The following CSGALNACT1 variants were observed in gnomAD, a reference collection of about 807,000 sequenced individuals.
CSGALNACT1 encodes beta4GalNAcT-1.
In CSGALNACT1, 52 loss-of-function variants were observed where a neutral mutation model predicts 51.0. That is an observed-to-expected ratio of 1.02 (90% CI 0.82 to 1.29). The LOEUF (loss-of-function observed/expected upper bound fraction) is 1.29. Among genes scored for constraint, CSGALNACT1 ranks in the 50% most tolerant of loss-of-function variants. The probability of loss-of-function intolerance (pLI) is 0.00; values close to 1 mark genes in which losing one functional copy is unlikely to be tolerated. For synonymous variants in CSGALNACT1, 341 were observed against 254.4 expected, an observed-to-expected ratio of 1.34 and a Z score of -3.24; for missense variants, 935 against 679.2, an observed-to-expected ratio of 1.38 and a Z score of -4.19.
intron 1 of CSGALNACT1, among the ~76,000 whole-genome samples, chr8:19,688,080 T>C (rs2061076547): frequency 1.3e-5 from 2 of 152,206 alleles, no homozygotes; most frequent in African/African-American, 4.8e-5. Context: ...GAAGTAGGTG[T>C]TCATTTCCCA....
At chr8:19,460,275 G>T (rs12542081) in intron 4 of CSGALNACT1, among the ~76,000 whole-genome samples, 79,215 of 151,968 alleles carry the variant, frequency 0.52, 21,034 homozygotes, top group East Asian at 0.83. Flanking sequence ...GAGAGAGAGA[G>T]AAAGAGACCA....
intron 1 of CSGALNACT1, among the ~76,000 whole-genome samples, chr8:19,704,348 A>C (rs2062041032): frequency 6.6e-6 from 1 of 152,240 alleles, no homozygotes; most frequent in Non-Finnish European, 1.5e-5. Flanking sequence ...TTTAAAAATA[A>C]ATTTCTTGCA....
intron 1 of CSGALNACT1, among the ~76,000 whole-genome samples, chr8:19,693,188 C>T (rs767669886): frequency 1.4e-4 from 22 of 152,052 alleles, no homozygotes; most frequent in Non-Finnish European, 1.0e-4. Context: ...GACTGGAGGA[C>T]CAGAGGAAGC....
At chr8:19,490,888 C>T (rs1268913925) in intron 4 of CSGALNACT1, among the ~76,000 whole-genome samples, 1 of 152,180 alleles carries the variant, frequency 6.6e-6, no homozygotes, top group African/African-American at 2.4e-5. Flanking sequence ...AGGAAGTCCC[C>T]TGAAACTACC....
At chr8:19,747,855 A>G (rs1338265104) in intron 1 of CSGALNACT1, among the ~76,000 whole-genome samples, 3 of 152,176 alleles carry the variant, frequency 2.0e-5, no homozygotes, top group Non-Finnish European at 4.4e-5. Context: ...TAAAGACTCA[A>G]ACTCAGCTTT....
At chr8:19,404,649 A>C in exon 10 of CSGALNACT1, 1 of 451,060 alleles carries the variant, frequency 2.2e-6, no homozygotes, top group South Asian at 1.6e-5. Flanking sequence ...TTCTTATGGA[A>C]GCCAGAAGCC....
At chr8:19,441,484 A>T (rs555336660) in intron 5 of CSGALNACT1, among the ~76,000 whole-genome samples, 1 of 152,378 alleles carries the variant, frequency 6.6e-6, no homozygotes, top group East Asian at 1.9e-4. Context: ...TTCCCTACTT[A>T]ATAAATGGTG....
intron 1 of CSGALNACT1, among the ~76,000 whole-genome samples, chr8:19,663,264 G>A (rs1471655775): frequency 3.3e-5 from 5 of 152,086 alleles, no homozygotes; most frequent in African/African-American, 1.2e-4. Flanking sequence ...GGTCAGGCTT[G>A]TACTTAATTG....
intron 1 of CSGALNACT1, among the ~76,000 whole-genome samples, chr8:19,701,309 A>G (rs2154220173): frequency 6.6e-6 from 1 of 151,980 alleles, no homozygotes; most frequent in East Asian, 1.9e-4. Flanking sequence ...ATGTGCCACC[A>G]CACCAAGCTA....
At chr8:19,444,441 C>T (rs556449824) in intron 5 of CSGALNACT1, among the ~76,000 whole-genome samples, 66 of 152,182 alleles carry the variant, frequency 4.3e-4, no homozygotes, top group African/African-American at 8.2e-4. Flanking sequence ...CAACTGCATA[C>T]GTGTATGTGT....
intron 1 of CSGALNACT1, among the ~76,000 whole-genome samples, chr8:19,706,077 C>T (rs73218631): frequency 0.015 from 2,269 of 152,174 alleles, 30 homozygotes; most frequent in South Asian, 0.047. Context: ...CAAATAAAAA[C>T]TAAAATAGAT....
chr8:19,594,947 G>T lies in CSGALNACT1; in HGVS notation c.-415-3669C>A, dbSNP rs1015813471. On this transcript the variant is annotated intron_variant, in intron 2 of 9. Coordinates refer to ENST00000454498, the Ensembl canonical transcript of CSGALNACT1. The stretch of plus-strand genomic sequence containing the variant: ...TTGGCCTAAGGTTGGCTATTCACAC[G>T]TGTTATAAAGTTAGAAAACACATTT... Among the ~76,000 whole-genome samples, 5 of 152,192 alleles carry T rather than the reference G, an allele frequency of 3.3e-5. No individual in the cohort carries two copies. In the South Asian group the frequency reaches 1.0e-3, roughly 32 times the overall value.
In CSGALNACT1 at chr8:19,557,089, G is replaced by T. The variant is rs140274994; in HGVS notation, c.-297+34071C>A. Among the ~76,000 whole-genome samples the T allele has an allele frequency of 1.2e-3, 189 of 152,130 alleles. 3 individuals carry two copies. The highest frequency in any genetic ancestry group is 8.5e-3 in the Admixed American group (130 of 15,290). On this transcript the variant is annotated intron_variant, in intron 3 of 9. Transcript: ENST00000454498. ...TAAAATGCTTTATTCAGGTGAAAAG[G>T]GATTGGCATCACTGTTGAGGTGCCT...
intron 1 of CSGALNACT1, among the ~76,000 whole-genome samples, chr8:19,648,477 A>G (rs1046140476): frequency 6.6e-6 from 1 of 152,212 alleles, no homozygotes; most frequent in Non-Finnish European, 1.5e-5. Context: ...ACATGTACAC[A>G]TCGATTTCAC....
intron 1 of CSGALNACT1, among the ~76,000 whole-genome samples, chr8:19,622,089 T>G (rs1490511706): frequency 1.3e-5 from 2 of 152,228 alleles, no homozygotes; most frequent in Admixed American, 6.5e-5. Flanking sequence ...TAACAGAATT[T>G]GGAAGAAAAG....
At chr8:19,592,853 T>C (rs1342624859) in intron 2 of CSGALNACT1, among the ~76,000 whole-genome samples, 3 of 152,338 alleles carry the variant, frequency 2.0e-5, no homozygotes, top group African/African-American at 4.8e-5. Context: ...ATAAGTTCTT[T>C]GTACTATTCT....
intron 1 of CSGALNACT1, among the ~76,000 whole-genome samples, chr8:19,719,037 C>T (rs943913014): frequency 8.5e-5 from 13 of 152,194 alleles, no homozygotes; most frequent in Non-Finnish European, 1.9e-4. Context: ...CAGAGTCTTT[C>T]CCTCCACCTG....
intron 1 of CSGALNACT1, among the ~76,000 whole-genome samples, chr8:19,679,149 A>G (rs901041481): frequency 6.6e-6 from 1 of 152,236 alleles, no homozygotes; most frequent in African/African-American, 2.4e-5. Context: ...TCAAGACAGC[A>G]GCAAAGCCAT....
intron 4 of CSGALNACT1, 24 bp downstream of exon 3, chr8:19,505,177 C>T (rs1381315748): frequency 6.2e-7 from 1 of 1,613,632 alleles, no homozygotes; most frequent in South Asian, 1.1e-5. Context: ...CTTCTCCTTT[C>T]CCCCCAATTC....
Sources: gnomAD v4.1 joint callset for allele counts (sites outside exome capture counted in the v4.1 genomes callset) on GRCh38, gnomAD v4.1.1 for gene constraint, MANE v1.5 for transcripts, NCBI Gene and HGNC (gene_info 2026-07-23, HGNC 2026-07-21) for gene names.